Variants in AGAP1 observed in about 807,000 individuals in gnomAD.
AGAP1 encodes the protein arf-GAP with GTPase, ANK repeat and PH domain-containing protein 1.
A neutral mutation model predicts 105.3 loss-of-function variants in AGAP1; 29 were observed. That is an observed-to-expected ratio of 0.28 (90% CI 0.21 to 0.38). The LOEUF is 0.38. AGAP1 is among the 10% of genes least tolerant of loss of function. The pLI, the probability that AGAP1 is intolerant of heterozygous loss-of-function variation, is 1.00. For missense variants in AGAP1, 998 were observed against 1,165.1 expected (o/e 0.86, Z 2.09); for synonymous variants, 509 against 485.9 (o/e 1.05, Z -0.63).
In AGAP1 at chr2:235,887,545, C is replaced by T. The variant is rs1288840098; in HGVS notation, c.1155+4096C>T. On this transcript the variant is annotated intron_variant, in intron 10 of 17. Transcript: ENST00000304032. This position sits in a 1 kb window ranked among gnomAD's most constrained non-coding sequence, Gnocchi z 4.1. ...ATCTGGTTTCTGAGAACACTATTCT[C>T]ATCCACCTTTTCTCTCAAAGGCAGA... is the stretch of plus-strand genomic sequence containing the variant. Among the ~76,000 whole-genome samples the T allele has an allele frequency of 1.3e-5, 2 of 152,222 alleles. No individual in the cohort carries two copies. Among genetic ancestry groups the T allele is most frequent in the Non-Finnish European group, 2.9e-5 (2 of 68,036 alleles).
chr2:235,705,354 A>T lies in AGAP1; in HGVS notation c.164-3825A>T, dbSNP rs1404089496. On this transcript the variant is annotated intron_variant, in intron 1 of 17. Transcript: ENST00000304032. The surrounding 1 kb of genome is among the most constrained non-coding windows in gnomAD (Gnocchi z 4.9). The stretch of plus-strand genomic sequence containing the variant: ...GGTCCAGGAACACAGGTGTGCACAC[A>T]TCCGGATGTGCATCCACACACTCAT... Among the ~76,000 whole-genome samples, 1 of 152,178 alleles carries T rather than the reference A, an allele frequency of 6.6e-6. No individual in the cohort carries two copies.
At chr2:235,654,250 T>TG in intron 1 of AGAP1, among the ~76,000 whole-genome samples, 1 of 152,170 alleles carries the variant, frequency 6.6e-6, no homozygotes. Context: ...TAGTGTAGCG[T>TG]GGGTGTTTGT....
At chr2:235,755,369 A>G (rs1000560289) in intron 6 of AGAP1, among the ~76,000 whole-genome samples, 1 of 152,238 alleles carries the variant, frequency 6.6e-6, no homozygotes, top group African/African-American at 2.4e-5. Flanking sequence ...GCCTGGATAC[A>G]TGAACATGAA....
At chr2:235,668,303 C>G (rs1948196933) in intron 1 of AGAP1, among the ~76,000 whole-genome samples, 1 of 152,200 alleles carries the variant, frequency 6.6e-6, no homozygotes, top group Non-Finnish European at 1.5e-5. Context: ...CTATAACTTC[C>G]TTCAAAAGAG....
intron 1 of AGAP1, among the ~76,000 whole-genome samples, chr2:235,515,033 T>G (rs752060302): frequency 5.3e-5 from 8 of 152,190 alleles, no homozygotes; most frequent in Non-Finnish European, 8.8e-5. Flanking sequence ...GCCATCAGAA[T>G]TTAGGGCATT....
chr2:235,869,420 T>TAA (rs35813316), intron 9 of AGAP1, among the ~76,000 whole-genome samples: 1,316 of 49,866 alleles, frequency 0.026, 92 homozygotes, highest in African/African-American at 0.077. Context: ...CCATCTCTAC[T>TAA]AAAAAAAAAA....
chr2:235,647,435 C>T (rs893948309), intron 1 of AGAP1, among the ~76,000 whole-genome samples: 3 of 152,046 alleles, frequency 2.0e-5, no homozygotes, highest in African/African-American at 7.2e-5. Flanking sequence ...TCACCCGGGC[C>T]GGAGTGCAGT....
intron 9 of AGAP1, among the ~76,000 whole-genome samples, chr2:235,870,255 C>T (rs1392476126): frequency 1.3e-5 from 2 of 152,150 alleles, no homozygotes; most frequent in African/African-American, 2.4e-5. Flanking sequence ...TGTGGTCCTC[C>T]CCATCGGAAG....
In AGAP1 at chr2:236,121,490, G is replaced by A. The variant is rs942471798; in HGVS notation, c.2370+1043G>A. On this transcript the variant is annotated intron_variant, in intron 17 of 17. Coordinates refer to ENST00000304032, the MANE Select transcript of AGAP1 (RefSeq NM_001037131.3). This position sits in a 1 kb window ranked among gnomAD's most constrained non-coding sequence, Gnocchi z 4.9. ...TAATTTTTGTATTTTTAGTAGAGAC[G>A]GGGCTTCACCATGTTGGTCAGTCTG... Among the ~76,000 whole-genome samples, 8 of 151,866 alleles carry A rather than the reference G, an allele frequency of 5.3e-5. No individual in the cohort carries two copies. The highest frequency in any genetic ancestry group is 6.6e-5 in the Admixed American group (1 of 15,256).
chr2:236,031,800 G>C (rs751669032), intron 13 of AGAP1, among the ~76,000 whole-genome samples: 3 of 152,058 alleles, frequency 2.0e-5, no homozygotes, highest in Non-Finnish European at 4.4e-5. Context: ...AGTTCCCTGT[G>C]CTCAGAGTCC....
Position 235,750,940 on chromosome 2 carries a change from C to G in AGAP1, c.673+452C>G, listed in dbSNP as rs1472395943. On this transcript the variant is annotated intron_variant, in intron 6 of 17. Transcript: ENST00000304032. This position sits in a 1 kb window ranked among gnomAD's most constrained non-coding sequence, Gnocchi z 5.3. The stretch of plus-strand genomic sequence containing the variant: ...AGAGAGAGTCAAGTTTGGACCTCCC[C>G]CCACCAAAAAAATAATAAAATGACA... Among the ~76,000 whole-genome samples the G allele has an allele frequency of 2.0e-5, 3 of 152,156 alleles. No homozygotes were observed. Among genetic ancestry groups the G allele is most frequent in the Admixed American group, 6.5e-5 (1 of 15,274 alleles).
intron 9 of AGAP1, among the ~76,000 whole-genome samples, chr2:235,849,028 A>G (rs779336754): frequency 1.3e-5 from 2 of 152,200 alleles, no homozygotes; most frequent in Non-Finnish European, 2.9e-5. Flanking sequence ...CCTTGGCACT[A>G]TGTTAAATTG....
Position 235,569,976 on chromosome 2 carries a change from G to T in AGAP1, c.163+75127G>T, listed in dbSNP as rs1433275804. 6.6e-6 allele frequency among the ~76,000 whole-genome samples: 1 copy of T among 152,124 alleles called. No homozygotes were observed. The highest frequency in any genetic ancestry group is 1.5e-5 in the Non-Finnish European group (1 of 68,012). On this transcript the variant is annotated intron_variant, in intron 1 of 17. Transcript: ENST00000304032. This position sits in a 1 kb window ranked among gnomAD's most constrained non-coding sequence, Gnocchi z 5.9. ...AGGAAAACATGGTGTGACTGGCCCG[G>T]GATCCAAATTATTTGCAGCGCCTGT...
At position 236,128,073 on chromosome 2, in the gene AGAP1, C is replaced by CA. The variant is rs1001256764; in HGVS notation, c.*3953dup. The CA allele has an allele frequency of 7.8e-5, 10 of 128,682 alleles. No individual in the cohort carries two copies. The highest frequency in any genetic ancestry group is 2.7e-4 in the African/African-American group (10 of 36,820). The allele number at this position is 128,682 out of a possible 1,614,324, so 8.0% of individuals were successfully genotyped here. A position where few individuals can be genotyped will look rare whatever the true frequency, so the allele number is the denominator to read the frequency against. ...GGGAGGCTGTGATGGGCACGTTTGC[C>CA]AACCCCCCCCCCCCAGTAGAGCCCA... is the stretch of plus-strand genomic sequence containing the variant. On this transcript the variant is annotated 3_prime_UTR_variant, in exon 18 of 18. Transcript: ENST00000304032. The surrounding 1 kb of genome is among the most constrained non-coding windows in gnomAD (Gnocchi z 5.9).
chr2:235,894,817 A>G lies in AGAP1; in HGVS notation c.1155+11368A>G, dbSNP rs142133460. Reference sequence around the variant, plus strand: ...GCTGATCCTTCTGGTGTGCAGGTCAAAGAACACTGAGCTGGGAATCAGTTG... The same window carrying G: ...GCTGATCCTTCTGGTGTGCAGGTCAGAGAACACTGAGCTGGGAATCAGTTG... On this transcript the variant is annotated intron_variant, in intron 10 of 17. Transcript: ENST00000304032. Among the ~76,000 whole-genome samples the G allele has an allele frequency of 2.2e-4, 34 of 152,296 alleles. No homozygotes were observed. The East Asian group carries it at 6.4e-3, about 29-fold the overall frequency.
intron 16 of AGAP1, among the ~76,000 whole-genome samples, chr2:236,112,704 A>T (rs2059679917): frequency 1.3e-5 from 2 of 152,182 alleles, no homozygotes. Flanking sequence ...CGGCACTCGC[A>T]TTCACACGCA....
At chr2:235,545,410 G>T (rs932667056) in intron 1 of AGAP1, among the ~76,000 whole-genome samples, 1 of 152,336 alleles carries the variant, frequency 6.6e-6, no homozygotes, top group Middle Eastern at 3.4e-3. Context: ...CAGGGCTGGC[G>T]TGTGAGCCCT....
At chr2:235,673,595 C>T (rs937629167) in intron 1 of AGAP1, among the ~76,000 whole-genome samples, 1 of 152,194 alleles carries the variant, frequency 6.6e-6, no homozygotes, top group African/African-American at 2.4e-5. Context: ...CAGTTAGAGT[C>T]TGGTTTTGCC....
intron 13 of AGAP1, among the ~76,000 whole-genome samples, chr2:235,978,816 A>G (rs2054966029): frequency 6.6e-6 from 1 of 152,096 alleles, no homozygotes; most frequent in African/African-American, 2.4e-5. Context: ...GAGAACTGGG[A>G]AGCAGTCATT....
Sources: gnomAD v4.1 joint callset for allele counts (sites outside exome capture counted in the v4.1 genomes callset) on GRCh38, gnomAD v4.1.1 for gene constraint, Gnocchi (gnomAD v3.1) non-coding constraint, MANE v1.5 for transcripts, NCBI Gene and HGNC (gene_info 2026-07-23, HGNC 2026-07-21) for gene names.